Variants in SLC39A11 observed in about 807,000 individuals in gnomAD.
SLC39A11 encodes zinc transporter ZIP11.
Under a neutral mutation model 36.1 loss-of-function variants are expected in SLC39A11, and 33 were observed. The ratio of observed to expected loss-of-function variants is 0.91; its 90% CI spans 0.69 to 1.22. The LOEUF (loss-of-function observed/expected upper bound fraction) is 1.22. SLC39A11 is among the 50% of genes most tolerant of loss of function. The probability of loss-of-function intolerance (pLI) is 0.00; values close to 1 mark genes in which losing one functional copy is unlikely to be tolerated. For missense variants in SLC39A11, 432 were observed against 430.3 expected, an observed-to-expected ratio of 1.00 and a Z score of -0.03; for synonymous variants, 166 against 170.3, an observed-to-expected ratio of 0.97 and a Z score of 0.20.
intron 4 of SLC39A11, among the ~76,000 whole-genome samples, chr17:73,016,658 GA>G (rs2058178552): frequency 6.6e-6 from 1 of 152,106 alleles, no homozygotes; most frequent in African/African-American, 2.4e-5. Context: ...ACCTCCCAAA[GA>G]GCACCTAATT....
intron 7 of SLC39A11, among the ~76,000 whole-genome samples, chr17:72,666,800 A>G (rs1433949938): frequency 6.6e-6 from 1 of 152,210 alleles, no homozygotes; most frequent in African/African-American, 2.4e-5. Flanking sequence ...TCCGTGGCTG[A>G]GAAGAGAAAG....
Position 72,783,145 on chromosome 17 carries a change from A to AGATTCTCACCAGAAAGCAGAT in SLC39A11, c.602-46447_602-46427dup, listed in dbSNP as rs1352038095. 3.3e-5 allele frequency among the ~76,000 whole-genome samples: 4 copies of AGATTCTCACCAGAAAGCAGAT among 120,990 alleles called. No homozygotes were observed. In the Admixed American group the frequency reaches 3.4e-4, roughly 10 times the overall value. The allele number at this position is 120,990 out of a possible 152,430, so 79.4% of individuals were successfully genotyped here. On this transcript the variant is annotated intron_variant, in intron 6 of 9. Transcript: ENST00000255559. ...AAGCAGATGATTCTCACCAGAAAGC[A>AGATTCTCACCAGAAAGCAGAT]GATTCTCACCAGAAAGCAGATGATT... is the stretch of plus-strand genomic sequence containing the variant.
chr17:72,961,041 T>C (rs1048770285), intron 4 of SLC39A11, among the ~76,000 whole-genome samples: 1 of 152,142 alleles, frequency 6.6e-6, no homozygotes, highest in African/African-American at 2.4e-5. Flanking sequence ...AGAGAGTGTG[T>C]GCACAAAAGA....
chr17:72,960,288 A>G (rs193006633), intron 4 of SLC39A11, among the ~76,000 whole-genome samples: 1 of 152,368 alleles, frequency 6.6e-6, no homozygotes, highest in East Asian at 1.9e-4. Context: ...AAAATGATTC[A>G]GTAGCATTCA....
At chr17:73,023,017 C>T (rs112364008) in intron 4 of SLC39A11, among the ~76,000 whole-genome samples, 12 of 152,204 alleles carry the variant, frequency 7.9e-5, no homozygotes, top group African/African-American at 2.9e-4. Flanking sequence ...GCACCGCTTC[C>T]ATTACTGCAA....
chr17:72,894,587 T>C (rs916852403), intron 5 of SLC39A11, among the ~76,000 whole-genome samples: 2 of 149,046 alleles, frequency 1.3e-5, no homozygotes, highest in African/African-American at 5.0e-5. Flanking sequence ...GGAGAATCAA[T>C]TGAACACAAG....
chr17:72,932,649 G>T (rs2084488468), intron 5 of SLC39A11, among the ~76,000 whole-genome samples: 1 of 151,840 alleles, frequency 6.6e-6, no homozygotes, highest in Admixed American at 6.5e-5. Context: ...CCACGGTCTG[G>T]GCCAAAAAAT....
At chr17:73,070,310 C>A (rs1377812099) in intron 3 of SLC39A11, among the ~76,000 whole-genome samples, 4 of 152,102 alleles carry the variant, frequency 2.6e-5, no homozygotes, top group Non-Finnish European at 5.9e-5. Flanking sequence ...GTCTTGAGAA[C>A]CAACACTAAT....
At chr17:72,974,823 G>GTGTAC (rs1434799988) in intron 4 of SLC39A11, among the ~76,000 whole-genome samples, 10 of 152,264 alleles carry the variant, frequency 6.6e-5, no homozygotes, top group South Asian at 6.2e-4. Flanking sequence ...CCCTAGACAG[G>GTGTAC]TGTACTACCT....
intron 3 of SLC39A11, among the ~76,000 whole-genome samples, chr17:73,064,512 T>A (rs2059940635): frequency 6.6e-6 from 1 of 152,166 alleles, no homozygotes. Context: ...CTGAGGACTC[T>A]AAGCAGCTCA....
intron 7 of SLC39A11, among the ~76,000 whole-genome samples, chr17:72,705,854 A>C (rs2072871425): frequency 6.6e-6 from 1 of 152,154 alleles, no homozygotes; most frequent in Non-Finnish European, 1.5e-5. Flanking sequence ...CTACAGCAAA[A>C]ATCTTTTGCC....
At chr17:72,757,883 G>A (rs2075420088) in intron 6 of SLC39A11, among the ~76,000 whole-genome samples, 1 of 151,892 alleles carries the variant, frequency 6.6e-6, no homozygotes, top group Admixed American at 6.6e-5. Context: ...TTAGTATTTT[G>A]TTTGTTTTTG....
At chr17:73,003,597 T>C (rs2089954733) in intron 4 of SLC39A11, among the ~76,000 whole-genome samples, 1 of 151,584 alleles carries the variant, frequency 6.6e-6, no homozygotes, top group Non-Finnish European at 1.5e-5. Context: ...GCAATCTGAG[T>C]CTACATGAGA....
rs1239402425 is a variant in SLC39A11 at position 72,696,834 on chromosome 17, G to GT, written c.671+39815dup. Among the ~76,000 whole-genome samples, 4 of 152,264 alleles carry GT rather than the reference G, an allele frequency of 2.6e-5. No homozygotes were observed. The South Asian group carries it at 8.3e-4, about 32-fold the overall frequency. On this transcript the variant is annotated intron_variant, in intron 7 of 9. Coordinates refer to ENST00000255559, the MANE Select transcript of SLC39A11 (RefSeq NM_139177.4). ...GCCTACCATTTTTGAGCCCTGCTAT[G>GT]TGTCCTGCTCTGTGCTAGAGGCTTG...
chr17:72,856,855 AT>A (rs2079668342), intron 5 of SLC39A11, among the ~76,000 whole-genome samples: 1 of 151,972 alleles, frequency 6.6e-6, no homozygotes, highest in African/African-American at 2.4e-5. Flanking sequence ...TAATTTTTGT[AT>A]TTTTAGTAGA....
intron 6 of SLC39A11, among the ~76,000 whole-genome samples, chr17:72,831,579 T>C (rs1321738511): frequency 1.2e-4 from 18 of 152,254 alleles, no homozygotes; most frequent in Non-Finnish European, 2.2e-4. Flanking sequence ...TTATAGATTC[T>C]GACTCCCAAT....
intron 5 of SLC39A11, among the ~76,000 whole-genome samples, chr17:72,934,743 G>A (rs941061944): frequency 6.6e-6 from 1 of 152,160 alleles, no homozygotes; most frequent in Non-Finnish European, 1.5e-5. Flanking sequence ...TGACACCAAA[G>A]AAGATGTACA....
chr17:72,942,573 T>C (rs1392251831), intron 5 of SLC39A11, among the ~76,000 whole-genome samples: 1 of 152,170 alleles, frequency 6.6e-6, no homozygotes. Flanking sequence ...TAAATTTGAC[T>C]GGAAATATCA....
At chr17:72,936,272 A>T (rs2084746552) in intron 5 of SLC39A11, among the ~76,000 whole-genome samples, 1 of 151,974 alleles carries the variant, frequency 6.6e-6, no homozygotes, top group Non-Finnish European at 1.5e-5. Flanking sequence ...GGTTTTTGAG[A>T]CCAAGTTGCA....
Sources: allele counts gnomAD v4.1 joint callset (sites outside exome capture counted in the v4.1 genomes callset), GRCh38; gene constraint gnomAD v4.1.1; transcripts MANE v1.5; gene names NCBI Gene and HGNC (gene_info 2026-07-23, HGNC 2026-07-21).